The following GEN1 variants were observed in gnomAD, a reference collection of about 807,000 sequenced individuals.
GEN1 encodes GEN1 structure-specific endonuclease, also known as flap endonuclease GEN homolog 1.
In GEN1, 64 loss-of-function variants were observed where a neutral mutation model predicts 67.6. That is an observed-to-expected ratio of 0.95 (90% CI 0.77 to 1.17). The LOEUF is 1.17. GEN1 is among the 50% of genes most tolerant of loss of function. The probability of loss-of-function intolerance (pLI) is 0.00; values close to 1 mark genes in which losing one functional copy is unlikely to be tolerated. For synonymous variants in GEN1, 371 were observed against 359.4 expected (o/e 1.03, Z -0.37); for missense variants, 1,058 against 1,048.3 (o/e 1.01, Z -0.13).
In GEN1 at chr2:17,786,067, A is replaced by G. The variant is rs1175699159; in HGVS notation, c.*4128A>G. On this transcript the variant is annotated 3_prime_UTR_variant, in exon 14 of 14. Coordinates refer to ENST00000381254, the MANE Select transcript of GEN1 (RefSeq NM_001130009.3). ...CTCTGTGACCCTGGAGACATTTTCT[A>G]ACTTTTCTGAGACTCATTTATTCAA... 1 of 152,148 alleles carries G rather than the reference A, an allele frequency of 6.6e-6. No individual in the cohort carries two copies. Among genetic ancestry groups the G allele is most frequent in the Non-Finnish European group, 1.5e-5 (1 of 68,036 alleles). 9.4% of individuals were successfully genotyped at this position (152,148 alleles called of 1,614,324 possible). A position where few individuals can be genotyped will look rare whatever the true frequency, so the allele number is the denominator to read the frequency against.
rs1426859306 is a variant in GEN1, at chr2:17,778,325, TGTACATATATGTATACACACAC to T, written c.1264+263_1264+284del. 1.9e-4 allele frequency among the ~76,000 whole-genome samples: 12 copies of T among 63,938 alleles called. 1 individual carries two copies. The highest frequency in any genetic ancestry group is 6.4e-4 in the African/African-American group (10 of 15,718). 41.9% of individuals were successfully genotyped at this position (63,938 alleles called of 152,430 possible). ...ACATATATGTATATACACACACACG[TGTACATATATGTATACACACAC>T]ATGTGTGTACATATATGTATATACA... On this transcript the variant is annotated intron_variant, in intron 12 of 13. Coordinates refer to ENST00000381254, the MANE Select transcript of GEN1 (RefSeq NM_001130009.3).
chr2:17,784,807 G>A lies in GEN1; in HGVS notation c.*2868G>A, dbSNP rs373309726. 35 of 152,310 alleles carry A rather than the reference G, an allele frequency of 2.3e-4. No homozygotes were observed. In the East Asian group the frequency reaches 6.8e-3, roughly 29 times the overall value. 9.4% of individuals were successfully genotyped at this position (152,310 alleles called of 1,614,324 possible). A position where few individuals can be genotyped will look rare whatever the true frequency, so the allele number is the denominator to read the frequency against. On this transcript the variant is annotated 3_prime_UTR_variant, in exon 14 of 14. Transcript: ENST00000381254. ...GACCAGGTAAATAAAATATCTAGAG[G>A]CATTCTTGAGATTGTATGAGATGAA...
chr2:17,773,057 C>G, intron 8 of GEN1, 39 bp from the exon 9 acceptor site: 1 of 1,333,992 alleles, frequency 7.5e-7, no homozygotes, highest in Non-Finnish European at 1.1e-6. Flanking sequence ...CTAAAATTGT[C>G]TGATTATAGT....
intron 11 of GEN1, among the ~76,000 whole-genome samples, chr2:17,776,358 A>G (rs1672433506): frequency 6.6e-6 from 1 of 152,120 alleles, no homozygotes; most frequent in South Asian, 2.1e-4. Context: ...AATTGGGGAA[A>G]TTTGAATATG....
At position 17,788,013 on chromosome 2, in the gene GEN1, GGA is replaced by G; in HGVS notation, c.*6081_*6082del. 6.6e-6 allele frequency: 1 copy of G among 152,338 alleles called. No individual in the cohort carries two copies. The highest frequency in any genetic ancestry group is 1.9e-4 in the East Asian group (1 of 5,184). The allele number at this position is 152,338 out of a possible 1,614,324, so 9.4% of individuals were successfully genotyped here. ...GGGTCTTAGTTCTAAATTTCTCTGT[GGA>G]GAGAGACCAAATCTAACCGGGTGGA... is the stretch of plus-strand genomic sequence containing the variant. On this transcript the variant is annotated 3_prime_UTR_variant, in exon 14 of 14. Coordinates refer to ENST00000381254, the MANE Select transcript of GEN1 (RefSeq NM_001130009.3).
chr2:17,765,008 A>G lies in GEN1; in HGVS notation c.460A>G (p.Asn154Asp), dbSNP rs767707920. 20 of 1,614,036 alleles carry G rather than the reference A, an allele frequency of 1.2e-5. No individual in the cohort carries two copies. The highest frequency in any genetic ancestry group is 3.3e-5 in the South Asian group (3 of 91,088). Reference protein sequence around the residue: ...AGGHVDGCLTNDGDTFLYGAQ... With the variant: ...AGGHVDGCLTDDGDTFLYGAQ... Reference sequence around the variant, plus strand: ...TGGTCATGTCGATGGCTGCCTCACCAATGATGGAGATACTTTCCTTTATGG... The same window carrying G: ...TGGTCATGTCGATGGCTGCCTCACCGATGATGGAGATACTTTCCTTTATGG... Residue 154 changes from asparagine to aspartate, a missense_variant, in exon 4 of 14, where the codon AAT becomes GAT. Coordinates refer to ENST00000381254, the MANE Select transcript of GEN1 (RefSeq NM_001130009.3).
At chr2:17,760,176 T>A in intron 2 of GEN1, 72 bp downstream of exon 2, 1 of 1,298,124 alleles carries the variant, frequency 7.7e-7, no homozygotes, top group East Asian at 2.5e-5. Flanking sequence ...TTGTTTCACC[T>A]TTTTTTTTCT....
At chr2:17,755,137 T>G (rs1162071483) in intron 1 of GEN1, 1 of 152,228 alleles carries the variant, frequency 6.6e-6, no homozygotes, top group Non-Finnish European at 1.5e-5. Context: ...ATTCCTACTG[T>G]GGCCCTTGCC....
intron 3 of GEN1, among the ~76,000 whole-genome samples, 168 bp from the exon 4 acceptor site, chr2:17,764,729 T>G (rs1671841799): frequency 6.6e-6 from 1 of 152,236 alleles, no homozygotes; most frequent in African/African-American, 2.4e-5. Flanking sequence ...CTTAAAGCCC[T>G]CAAATATTCA....
rs1436238395 is a variant in GEN1, at chr2:17,783,919, C to T, written c.*1980C>T. 6.6e-6 allele frequency: 1 copy of T among 152,176 alleles called. No individual in the cohort carries two copies. The highest frequency in any genetic ancestry group is 1.5e-5 in the Non-Finnish European group (1 of 68,028). The allele number at this position is 152,176 out of a possible 1,614,324, so 9.4% of individuals were successfully genotyped here. ...CTTAGAAGAAAACATAGACGTAAAT[C>T]TTTGTGACTTTGGATTAGGCAAGGA... On this transcript the variant is annotated 3_prime_UTR_variant, in exon 14 of 14. Coordinates refer to ENST00000381254, the MANE Select transcript of GEN1 (RefSeq NM_001130009.3).
chr2:17,774,515 G>A (rs756451399), intron 11 of GEN1, 114 bp downstream of exon 11: 1 of 733,312 alleles, frequency 1.4e-6, no homozygotes, highest in African/African-American at 1.8e-5. Flanking sequence ...AGGCCTCCTG[G>A]AATATTAAAA....
chr2:17,780,813 A>G lies in GEN1; in HGVS notation c.1601A>G (p.Asn534Ser). ...TTGAATAGCTTGCTTTTACCTAAAA[A>G]TACTCCATGTTTGAATGCACAAGAA... ...ASLNSLLLPK[N>S]TPCLNAQEQF... is the part of the protein sequence containing the mutation. Residue 534 changes from asparagine (N) to serine (S), a missense_variant, in exon 14 of 14, where the codon AAT becomes AGT. Physicochemically the swap from Asn to Ser is conservative, Grantham distance 46 (BLOSUM62 1). Transcript: ENST00000381254. 6.2e-7 allele frequency: 1 copy of G among 1,614,008 alleles called. No homozygotes were observed. The highest frequency in any genetic ancestry group is 1.3e-5 in the African/African-American group (1 of 75,060).
chr2:17,755,122 A>G lies in GEN1; in HGVS notation c.-16+777A>G, dbSNP rs534767063. ...TATTTCTAAAAGTAATCACATATAT[A>G]TTATATTCCTACTGTGGCCCTTGCC... On this transcript the variant is annotated intron_variant, in intron 1 of 13. Transcript: ENST00000381254. The G allele has an allele frequency of 3.3e-5, 5 of 152,332 alleles. No homozygotes were observed. In the East Asian group the frequency reaches 9.6e-4, roughly 29 times the overall value. The allele number at this position is 152,332 out of a possible 1,614,324, so 9.4% of individuals were successfully genotyped here. A position where few individuals can be genotyped will look rare whatever the true frequency, so the allele number is the denominator to read the frequency against.
chr2:17,753,801 G>A (rs1160582588), upstream of GEN1: 4 of 152,200 alleles, frequency 2.6e-5, no homozygotes, highest in Non-Finnish European at 5.9e-5. Flanking sequence ...CGCCCACCGC[G>A]GTACTAACCG....
At chr2:17,762,443 G>A (rs762464112) in intron 3 of GEN1, among the ~76,000 whole-genome samples, 2 of 151,906 alleles carry the variant, frequency 1.3e-5, no homozygotes, top group African/African-American at 2.4e-5. Context: ...TCCTGACTTC[G>A]TGATCCGCCT....
At chr2:17,777,368 A>G (rs1324818960) in intron 11 of GEN1, among the ~76,000 whole-genome samples, 2 of 152,182 alleles carry the variant, frequency 1.3e-5, no homozygotes, top group Non-Finnish European at 2.9e-5. Flanking sequence ...GTATGCATTC[A>G]AACACTTAAG....
chr2:17,786,078 G>C lies in GEN1; in HGVS notation c.*4139G>C, dbSNP rs1673051221. 1 of 152,134 alleles carries C rather than the reference G, an allele frequency of 6.6e-6. No individual in the cohort carries two copies. Among genetic ancestry groups the C allele is most frequent in the African/African-American group, 2.4e-5 (1 of 41,420 alleles). The allele number at this position is 152,134 out of a possible 1,614,324, so 9.4% of individuals were successfully genotyped here. ...TGGAGACATTTTCTAACTTTTCTGA[G>C]ACTCATTTATTCAAATGTTTATGTG... On this transcript the variant is annotated 3_prime_UTR_variant, in exon 14 of 14. Coordinates refer to ENST00000381254, the MANE Select transcript of GEN1 (RefSeq NM_001130009.3).
chr2:17,781,354 T>C lies in GEN1; in HGVS notation c.2142T>C (p.Asp714=). 1.2e-6 allele frequency: 2 copies of C among 1,613,940 alleles called. No individual in the cohort carries two copies. Among genetic ancestry groups the C allele is most frequent in the Non-Finnish European group, 1.7e-6 (2 of 1,179,874 alleles). Residue 714 remains aspartate, a synonymous_variant, in exon 14 of 14, where the codon GAT becomes GAC. Coordinates refer to ENST00000381254, the MANE Select transcript of GEN1 (RefSeq NM_001130009.3). ...KESCIANSGS[D]CTSHLSKDLP... is the part of the protein sequence containing the mutation. ...CTTGTATTGCTAACAGTGGTTCTGATTGTACATCACATCTTTCAAAGGATC... is the reference window on the plus strand; with the variant it reads ...CTTGTATTGCTAACAGTGGTTCTGACTGTACATCACATCTTTCAAAGGATC...
intron 3 of GEN1, 104 bp downstream of exon 3, chr2:17,761,686 G>A (rs1671686563): frequency 5.4e-6 from 4 of 739,334 alleles, no homozygotes; most frequent in South Asian, 5.1e-5. Flanking sequence ...ATTGTGACTA[G>A]CAGGGATGTG....
Sources: gnomAD v4.1 joint callset for allele counts (sites outside exome capture counted in the v4.1 genomes callset) on GRCh38, gnomAD v4.1.1 for gene constraint, MANE v1.5 for transcripts, NCBI Gene and HGNC (gene_info 2026-07-23, HGNC 2026-07-21) for gene names.